CHRDL1: variants seen among roughly 807,000 people sequenced by gnomAD.
CHRDL1 encodes chordin-like protein 1.
CHRDL1 carries 19 observed loss-of-function variants against 40.9 expected under a neutral mutation model. That is an observed-to-expected ratio of 0.46 (90% CI 0.32 to 0.68). The LOEUF is 0.68. Among genes scored for constraint, CHRDL1 ranks in the 30% least tolerant of loss-of-function variants. The probability of loss-of-function intolerance (pLI) is 0.03; values close to 1 mark genes in which losing one functional copy is unlikely to be tolerated. For synonymous variants in CHRDL1, 136 were observed against 123.4 expected, an observed-to-expected ratio of 1.10 and a Z score of -0.68; for missense variants, 329 against 352.1, an observed-to-expected ratio of 0.93 and a Z score of 0.53.
At chrX:110,732,508 G>A (rs909467235) in intron 4 of CHRDL1, among the ~76,000 whole-genome samples, 7 of 112,076 alleles carry the variant, frequency 6.2e-5, no homozygotes, top group African/African-American at 9.7e-5. Flanking sequence ...TCCAGCTGGC[G>A]AGAAGAGAGT....
At chrX:110,681,883 T>C (rs2069905821) in intron 9 of CHRDL1, among the ~76,000 whole-genome samples, 1 of 112,477 alleles carries the variant, frequency 8.9e-6, no homozygotes. Flanking sequence ...GTAACTTTGA[T>C]TGAAGTCCAT....
At chrX:110,775,977 C>T (rs1404653578) in intron 2 of CHRDL1, among the ~76,000 whole-genome samples, 1 of 111,183 alleles carries the variant, frequency 9.0e-6, no homozygotes, top group Non-Finnish European at 1.9e-5. Context: ...AACACTATAC[C>T]ACTGCATGTG....
At chrX:110,785,381 T>C (rs886715469) in intron 2 of CHRDL1, among the ~76,000 whole-genome samples, 1 of 111,638 alleles carries the variant, frequency 9.0e-6, no homozygotes, top group Non-Finnish European at 1.9e-5. Context: ...TATATGGACA[T>C]ACATTTTGGA....
At chrX:110,758,516 G>A (rs1466575485) in intron 4 of CHRDL1, among the ~76,000 whole-genome samples, 1 of 111,064 alleles carries the variant, frequency 9.0e-6, no homozygotes, top group Admixed American at 9.5e-5. Context: ...AAGAGTTTGG[G>A]TGTTTCTTCT....
In CHRDL1 at chrX:110,730,870, T is replaced by C. The variant is rs1051519523; in HGVS notation, c.302-9340A>G. 3.6e-5 allele frequency among the ~76,000 whole-genome samples: 4 copies of C among 112,125 alleles called. No individual in the cohort carries two copies. In the Admixed American group the frequency reaches 3.8e-4, roughly 11 times the overall value. ...GTTTTAGGTCACTACTGAAGGTGCT[T>C]TTCAGAAAGGATTTAATATTTTTTA... is the stretch of plus-strand genomic sequence containing the variant. On this transcript the variant is annotated intron_variant, in intron 4 of 11. Coordinates refer to ENST00000372042, the MANE Select transcript of CHRDL1 (RefSeq NM_001143981.2).
In CHRDL1 at chrX:110,674,486, CACACACACACACACACACAA is replaced by C. The variant is rs758816812; in HGVS notation, c.*1725_*1744del. 10 of 109,119 alleles carry C rather than the reference CACACACACACACACACACAA, an allele frequency of 9.2e-5. No homozygotes were observed. The highest frequency in any genetic ancestry group is 3.0e-4 in the African/African-American group (9 of 29,597). The allele number at this position is 109,119 out of a possible 1,213,427, so 9.0% of individuals were successfully genotyped here. On this transcript the variant is annotated 3_prime_UTR_variant, in exon 12 of 12. Coordinates refer to ENST00000372042, the MANE Select transcript of CHRDL1 (RefSeq NM_001143981.2). ...ACACACACACACACACACACACACA[CACACACACACACACACACAA>C]ACTAATGCTTTGTGACCTCTCAACC... is the stretch of plus-strand genomic sequence containing the variant.
At chrX:110,793,071 T>C (rs904260575) in intron 1 of CHRDL1, among the ~76,000 whole-genome samples, 2 of 112,259 alleles carry the variant, frequency 1.8e-5, no homozygotes, top group Non-Finnish European at 3.8e-5. Flanking sequence ...CACGGATCAT[T>C]TCCACAGATG....
chrX:110,771,854 T>TA (rs2089766168), intron 2 of CHRDL1, among the ~76,000 whole-genome samples: 1 of 111,497 alleles, frequency 9.0e-6, no homozygotes, highest in African/African-American at 3.2e-5. Flanking sequence ...TGCTGGAAAG[T>TA]AAAAAAATAA....
At chrX:110,720,050 C>A (rs887500339) in intron 5 of CHRDL1, 122 bp from the exon 6 acceptor site, 6 of 412,485 alleles carry the variant, frequency 1.5e-5, no homozygotes, top group South Asian at 4.8e-5. Flanking sequence ...GCTCTCCCAT[C>A]GTCAGTTCTC....
At chrX:110,777,572 T>C (rs1418627905) in intron 2 of CHRDL1, among the ~76,000 whole-genome samples, 1 of 111,659 alleles carries the variant, frequency 9.0e-6, no homozygotes, top group Non-Finnish European at 1.9e-5. Context: ...GGTATCTCAC[T>C]CTTATTTTAA....
intron 4 of CHRDL1, among the ~76,000 whole-genome samples, chrX:110,743,062 T>C (rs906978301): frequency 8.9e-6 from 1 of 112,520 alleles, no homozygotes; most frequent in Admixed American, 9.4e-5. Flanking sequence ...TTAAATCCAA[T>C]TTAAAATGCA....
rs751278310 is a variant in CHRDL1, at chrX:110,740,963, C to T, written c.301+18698G>A. Among the ~76,000 whole-genome samples the T allele has an allele frequency of 2.7e-5, 3 of 112,495 alleles. No individual in the cohort carries two copies. The East Asian group carries it at 8.3e-4, about 31-fold the overall frequency. ...GCAAGAGTTGCTACAGCAGAGACTT[C>T]AAGGCCTGCTAATGCTAGCATATAT... On this transcript the variant is annotated intron_variant, in intron 4 of 11. Transcript: ENST00000372042.
At position 110,674,922 on chromosome X, in the gene CHRDL1, C is replaced by T. The variant is rs556814932; in HGVS notation, c.*1309G>A. 2.7e-5 allele frequency: 3 copies of T among 112,222 alleles called. No homozygotes were observed. Among genetic ancestry groups the T allele is most frequent in the African/African-American group, 9.7e-5 (3 of 30,908 alleles). 9.2% of individuals were successfully genotyped at this position (112,222 alleles called of 1,213,427 possible). A position where few individuals can be genotyped will look rare whatever the true frequency, so the allele number is the denominator to read the frequency against. On this transcript the variant is annotated 3_prime_UTR_variant, in exon 12 of 12. Transcript: ENST00000372042. ...TAGTTTATGCTCTGGTATTGGGCTGCAAGTAGACATTTTAGGAGCAGCCTT... is the reference window on the plus strand; with the variant it reads ...TAGTTTATGCTCTGGTATTGGGCTGTAAGTAGACATTTTAGGAGCAGCCTT...
chrX:110,765,511 C>T (rs1452344129), intron 2 of CHRDL1, among the ~76,000 whole-genome samples: 1 of 111,737 alleles, frequency 8.9e-6, no homozygotes, highest in Non-Finnish European at 1.9e-5. Context: ...GTTTCATTCT[C>T]TTACATGTGG....
chrX:110,679,365 T>A lies in CHRDL1; in HGVS notation c.1217A>T (p.His406Leu). 8.3e-7 allele frequency: 1 copy of A among 1,207,800 alleles called. No individual in the cohort carries two copies. The highest frequency in any genetic ancestry group is 1.1e-6 in the Non-Finnish European group (1 of 891,794). ...GGTTGTTCTGGTCACCAGCTTGAAG[T>A]GAGGAAGCTCCTCAAACATCCTCTT... ...ISKRMFEELP[H>L]FKLVTRTTLS... Residue 406 changes from histidine (H) to leucine (L), a missense_variant, in exon 11 of 12, where the codon CAC becomes CTC. Coordinates refer to ENST00000372042, the MANE Select transcript of CHRDL1 (RefSeq NM_001143981.2).
At chrX:110,680,393 C>G (rs2069869934) in intron 10 of CHRDL1, among the ~76,000 whole-genome samples, 1 of 111,667 alleles carries the variant, frequency 9.0e-6, no homozygotes, top group African/African-American at 3.3e-5. Context: ...CATGTTCAAG[C>G]ATCTTTTTTT....
chrX:110,752,398 C>A (rs1185999776), intron 4 of CHRDL1, among the ~76,000 whole-genome samples: 1 of 111,653 alleles, frequency 9.0e-6, no homozygotes, highest in Non-Finnish European at 1.9e-5. Context: ...GGTTTTAACC[C>A]CTTGTACTGT....
intron 9 of CHRDL1, among the ~76,000 whole-genome samples, chrX:110,686,193 G>A (rs1217094501): frequency 9.0e-6 from 1 of 111,154 alleles, no homozygotes; most frequent in African/African-American, 3.3e-5. Flanking sequence ...CACTGCACCC[G>A]GCCACCAAAT....
At chrX:110,687,794 C>T (rs2070055771) in intron 9 of CHRDL1, among the ~76,000 whole-genome samples, 2 of 111,493 alleles carry the variant, frequency 1.8e-5, no homozygotes, top group Admixed American at 1.9e-4. Context: ...TGCTTGATTA[C>T]CCATCCTATA....
Sources: gnomAD v4.1 joint callset for allele counts (sites outside exome capture counted in the v4.1 genomes callset) on GRCh38, gnomAD v4.1.1 for gene constraint, MANE v1.5 for transcripts, NCBI Gene and HGNC (gene_info 2026-07-23, HGNC 2026-07-21) for gene names.